The following ARHGAP11A variants were observed in gnomAD, a reference collection of about 807,000 sequenced individuals.
ARHGAP11A encodes the protein rho GTPase-activating protein 11A.
ARHGAP11A carries 36 observed loss-of-function variants against 60.5 expected under a neutral mutation model. The observed-to-expected ratio is 0.59, with a 90% confidence interval of 0.46 to 0.79. The LOEUF (loss-of-function observed/expected upper bound fraction) is 0.79, where lower values mean the gene tolerates loss of function less well. Ranked by LOEUF, ARHGAP11A falls within the 30% of genes least tolerant of loss-of-function variation. The probability of loss-of-function intolerance (pLI) is 0.00; values close to 1 mark genes in which losing one functional copy is unlikely to be tolerated. For synonymous variants in ARHGAP11A, 362 were observed against 415.5 expected (o/e 0.87, Z 1.57); for missense variants, 1,071 against 1,199.2 (o/e 0.89, Z 1.58).
intron 1 of ARHGAP11A, among the ~76,000 whole-genome samples, chr15:32,617,868 G>C (rs1301212620): frequency 6.6e-6 from 1 of 152,082 alleles, no homozygotes; most frequent in Non-Finnish European, 1.5e-5. Context: ...TGTAAACTTG[G>C]GCTGCTTGTT....
chr15:32,620,508 A>G (rs1174025069), intron 2 of ARHGAP11A, among the ~76,000 whole-genome samples: 3 of 151,890 alleles, frequency 2.0e-5, no homozygotes, highest in East Asian at 1.9e-4. Flanking sequence ...TGATTAAAAC[A>G]TAATTGTTTC....
intron 4 of ARHGAP11A, 89 bp downstream of exon 4, chr15:32,624,515 A>G: frequency 2.0e-6 from 3 of 1,473,372 alleles, no homozygotes; most frequent in Non-Finnish European, 2.7e-6. Flanking sequence ...TTCATTTGGA[A>G]TGGAAATTTT....
rs2053124259 is a variant in ARHGAP11A, at chr15:32,615,823, A to G, written c.-389A>G. 4.8e-6 allele frequency: 1 copy of G among 208,164 alleles called. No individual in the cohort carries two copies. The highest frequency in any genetic ancestry group is 2.3e-5 in the African/African-American group (1 of 43,384). The allele number at this position is 208,164 out of a possible 1,614,324, so 12.9% of individuals were successfully genotyped here. ...ATTTCAGAGCGAACCAGACGGGGAC[A>G]GTAAGGTTTGGAGGAAGGGGGATCG... On this transcript the variant is annotated 5_prime_UTR_variant, in exon 1 of 12. Transcript: ENST00000361627.
At position 32,637,626 on chromosome 15, in the gene ARHGAP11A, G is replaced by T. The variant is rs749983715; in HGVS notation, c.2853G>T (p.Lys951Asn). The T allele has an allele frequency of 9.3e-6, 15 of 1,614,158 alleles. No individual in the cohort carries two copies. In the South Asian group the frequency reaches 1.5e-4, roughly 17 times the overall value. The change falls in exon 12 of 12, where the codon AAG becomes AAT. Residue 951 changes from lysine to asparagine, a missense_variant. Physicochemically the swap from Lys to Asn is moderately conservative, Grantham distance 94. Around this residue, in one of 4 missense-constraint regions of ARHGAP11A, gnomAD observed 776 missense variants for 760.2 expected, o/e 1.02. Transcript: ENST00000361627. ...GGTCTACTACAGTTTATAAACAGAA[G>T]ATCTTATCTGATGGCCAAGTTAAGG... ...SLRSTTVYKQ[K>N]ILSDGQVKVP...
intron 2 of ARHGAP11A, among the ~76,000 whole-genome samples, chr15:32,621,508 C>T (rs62001761): frequency 1.3e-5 from 2 of 152,040 alleles, no homozygotes; most frequent in Non-Finnish European, 2.9e-5. Context: ...TGCATCAGAA[C>T]TTACTAGGAA....
At position 32,628,578 on chromosome 15, in the gene ARHGAP11A, T is replaced by A. The variant is rs557926488; in HGVS notation, c.863-150T>A. ...ATAAAAATATATCCTTTAGTATTTT[T>A]CCTATTTTGAAATAATTCCTCTTAA... On this transcript the variant is annotated intron_variant, in intron 6 of 11. Transcript: ENST00000361627. 6.3e-5 allele frequency: 36 copies of A among 570,986 alleles called. No homozygotes were observed. In the African/African-American group the frequency reaches 6.7e-4, roughly 11 times the overall value. The allele number at this position is 570,986 out of a possible 1,614,324, so 35.4% of individuals were successfully genotyped here.
chr15:32,621,499 G>A (rs1405433960), intron 2 of ARHGAP11A, among the ~76,000 whole-genome samples: 2 of 152,234 alleles, frequency 1.3e-5, no homozygotes, highest in African/African-American at 4.8e-5. Context: ...TATTCTAACT[G>A]CATCAGAACT....
In ARHGAP11A at chr15:32,627,410, C is replaced by T. The variant is rs558207883; in HGVS notation, c.863-1318C>T. ...TTCATGTCGTATAAGATTCTATCTC[C>T]GTAGTGTTTATTGCATTGTTACTGT... On this transcript the variant is annotated intron_variant, in intron 6 of 11. Coordinates refer to ENST00000361627, the MANE Select transcript of ARHGAP11A (RefSeq NM_014783.6). Among the ~76,000 whole-genome samples the T allele has an allele frequency of 1.8e-4, 28 of 151,900 alleles. 1 individual carries two copies. The highest frequency in any genetic ancestry group is 3.8e-4 in the Non-Finnish European group (26 of 67,972).
intron 2 of ARHGAP11A, among the ~76,000 whole-genome samples, chr15:32,622,271 A>G (rs1041451603): frequency 6.6e-6 from 1 of 152,306 alleles, no homozygotes; most frequent in Non-Finnish European, 1.5e-5. Flanking sequence ...TAGAAAAATT[A>G]GCTGGGCGTA....
At chr15:32,616,663 AC>A (rs1172628541) in intron 1 of ARHGAP11A, among the ~76,000 whole-genome samples, 1 of 152,184 alleles carries the variant, frequency 6.6e-6, no homozygotes, top group Non-Finnish European at 1.5e-5. Flanking sequence ...TCTGTCTTTT[AC>A]CCACTAGATG....
In ARHGAP11A at chr15:32,637,370, C is replaced by T. The variant is rs1449553393; in HGVS notation, c.2597C>T (p.Thr866Ile). Residue 866 changes from threonine to isoleucine, a missense_variant, in exon 12 of 12, where the codon ACA becomes ATA. This residue lies in a region of ARHGAP11A where 776 missense variants were observed against 760.2 expected (regional missense o/e 1.02). Transcript: ENST00000361627. The part of the protein sequence containing the change: ...TGHKLASLGD[T>I]ASPLVKSVSC... ...CATAAGTTGGCGAGTCTTGGTGATA[C>T]AGCTTCTCCTTTGGTCAAATCAGTG... The T allele has an allele frequency of 1.2e-6, 2 of 1,614,142 alleles. No individual in the cohort carries two copies. The highest frequency in any genetic ancestry group is 1.3e-5 in the African/African-American group (1 of 75,058).
intron 10 of ARHGAP11A, among the ~76,000 whole-genome samples, chr15:32,635,294 A>G (rs1285180236): frequency 6.6e-6 from 1 of 152,110 alleles, no homozygotes; most frequent in Non-Finnish European, 1.5e-5. Flanking sequence ...CCTATTTTAA[A>G]CTAAACCTCC....
intron 2 of ARHGAP11A, among the ~76,000 whole-genome samples, chr15:32,620,763 TTTTG>T (rs2053275596): frequency 2.6e-5 from 4 of 152,080 alleles, no homozygotes; most frequent in African/African-American, 7.2e-5. Context: ...TTTGACTTTT[TTTTG>T]TTTGTTAAAA....
chr15:32,629,941 A>T (rs2053551984), intron 8 of ARHGAP11A, among the ~76,000 whole-genome samples, 179 bp downstream of exon 8: 1 of 101,668 alleles, frequency 9.8e-6, no homozygotes, highest in South Asian at 2.9e-4. Flanking sequence ...GTTTCAATAT[A>T]GTGTGTGTGT....
chr15:32,621,821 C>CAAAAA (rs376053100), intron 2 of ARHGAP11A, among the ~76,000 whole-genome samples: 3 of 120,904 alleles, frequency 2.5e-5, no homozygotes. Flanking sequence ...GACTCCGTCT[C>CAAAAA]AAAAAAAAAA....
At position 32,625,534 on chromosome 15, in the gene ARHGAP11A, A is replaced by G. The variant is rs71462813; in HGVS notation, c.763A>G (p.Ile255Val). The change falls in exon 6 of 12, where the codon ATT becomes GTT. Residue 255 changes from isoleucine (I) to valine (V), a missense_variant. By Grantham distance (29) the Ile-to-Val change is conservative. Around this residue, in one of 4 missense-constraint regions of ARHGAP11A, gnomAD observed 196 missense variants for 272.1 expected, o/e 0.72. Coordinates refer to ENST00000361627, the MANE Select transcript of ARHGAP11A (RefSeq NM_014783.6). ...ILEKIPAMLGIDGLCATPSLE... is the reference protein window; with the variant it reads ...ILEKIPAMLGVDGLCATPSLE... Reference sequence around the variant, plus strand: ...GGAAAAGATACCAGCCATGTTGGGTATTGATGGTCTCTGTGCTACTCCATC... The same window carrying G: ...GGAAAAGATACCAGCCATGTTGGGTGTTGATGGTCTCTGTGCTACTCCATC... The G allele has an allele frequency of 0.025, 40,139 of 1,613,882 alleles. 664 individuals are homozygous for G. Among genetic ancestry groups the G allele is most frequent in the Middle Eastern group, 0.035 (209 of 6,056 alleles).
chr15:32,631,887 G>T (rs1200631196), intron 8 of ARHGAP11A, among the ~76,000 whole-genome samples: 1 of 152,066 alleles, frequency 6.6e-6, no homozygotes, highest in Non-Finnish European at 1.5e-5. Context: ...TGTTGGCCAG[G>T]CTGGTTTGAA....
chr15:32,620,600 C>G (rs964141287), intron 2 of ARHGAP11A, among the ~76,000 whole-genome samples: 3 of 151,598 alleles, frequency 2.0e-5, no homozygotes, highest in African/African-American at 7.3e-5. Flanking sequence ...AATTTGTACT[C>G]ATTCCCAGGA....
At chr15:32,629,975 T>TGTGTG (rs59288058) in intron 8 of ARHGAP11A, among the ~76,000 whole-genome samples, 32 of 128,916 alleles carry the variant, frequency 2.5e-4, no homozygotes, top group Admixed American at 4.1e-4. Flanking sequence ...TGTGTGTGTG[T>TGTGTG]TATGACAACA....
Sources: gnomAD v4.1 joint callset for allele counts (sites outside exome capture counted in the v4.1 genomes callset) on GRCh38, gnomAD v4.1.1 for gene constraint, gnomAD v4.1.1 regional missense constraint, MANE v1.5 for transcripts, NCBI Gene and HGNC (gene_info 2026-07-23, HGNC 2026-07-21) for gene names.